The following MDGA2 variants were observed in gnomAD, a reference collection of about 807,000 sequenced individuals.
MDGA2 encodes the protein MAM domain containing glycosylphosphatidylinositol anchor 2, also known as MAM domain-containing glycosylphosphatidylinositol anchor protein 2.
Under a neutral mutation model 117.8 loss-of-function variants are expected in MDGA2, and 40 were observed. The ratio of observed to expected loss-of-function variants is 0.34; its 90% CI spans 0.26 to 0.44. MDGA2 has a LOEUF of 0.44. Among genes scored for constraint, MDGA2 ranks in the 20% least tolerant of loss-of-function variants. The pLI is 1.00. For synonymous variants in MDGA2, 452 were observed against 439.0 expected (o/e 1.03, Z -0.37); for missense variants, 1,123 against 1,250.6 (o/e 0.90, Z 1.54).
chr14:47,261,938 G>C (rs1399045803), intron 2 of MDGA2, among the ~76,000 whole-genome samples: 2 of 152,092 alleles, frequency 1.3e-5, no homozygotes, highest in African/African-American at 2.4e-5. Context: ...TAGTTATAAA[G>C]AAAGCAACAC....
rs116971209 is a variant in MDGA2, at chr14:47,531,659, A to G, written c.280+142858T>C. 2.6e-4 allele frequency among the ~76,000 whole-genome samples: 40 copies of G among 152,358 alleles called. No individual in the cohort carries two copies. In the East Asian group the frequency reaches 5.8e-3, roughly 22 times the overall value. ...GTCATTCTATAGCACTAAACTAAGC[A>G]GTATTCTTTCATCTTAGTCGGGGAG... On this transcript the variant is annotated intron_variant, in intron 1 of 16. Transcript: ENST00000399232.
chr14:47,377,428 G>C (rs1163965673), intron 1 of MDGA2, among the ~76,000 whole-genome samples: 1 of 152,150 alleles, frequency 6.6e-6, no homozygotes, highest in Non-Finnish European at 1.5e-5. Context: ...CCTCATCCGG[G>C]AAGTGTAAGG....
intron 1 of MDGA2, among the ~76,000 whole-genome samples, chr14:47,371,437 A>G (rs1040157070): frequency 6.6e-6 from 1 of 151,820 alleles, no homozygotes; most frequent in Non-Finnish European, 1.5e-5. Context: ...TATTCAAGAC[A>G]TGATTTAATA....
At chr14:47,079,018 A>T (rs1197863733) in intron 6 of MDGA2, among the ~76,000 whole-genome samples, 2 of 151,596 alleles carry the variant, frequency 1.3e-5, no homozygotes, top group African/African-American at 4.8e-5. Flanking sequence ...TTTAGATTCC[A>T]CATGTAAGTG....
rs34123225 is a variant in MDGA2 at position 46,841,964 on chromosome 14, G to A, written c.3045C>T (p.Ile1015=). 426 of 1,612,210 alleles carry A rather than the reference G, an allele frequency of 2.6e-4. 2 individuals carry two copies. Among genetic ancestry groups the A allele is most frequent in the Middle Eastern group, 6.6e-4 (4 of 6,074 alleles). The change falls in exon 17 of 17, where the codon ATC becomes ATT. Residue 1015 remains isoleucine (I), a synonymous_variant. Coordinates refer to ENST00000399232, the MANE Select transcript of MDGA2 (RefSeq NM_001113498.3). ...GAGGACTTAAGATAGAGATGAGGAC[G>A]ATAATGGGAAAAAGCCATATATGAA... ...ILVHIWLFPI[I]VLISILSPRR
intron 1 of MDGA2, among the ~76,000 whole-genome samples, chr14:47,631,250 G>T (rs1001247143): frequency 6.6e-6 from 1 of 152,076 alleles, no homozygotes; most frequent in Non-Finnish European, 1.5e-5. Context: ...ACCAGATGAT[G>T]ACCTCATTTC....
chr14:47,661,906 T>C (rs1897856878), intron 1 of MDGA2, among the ~76,000 whole-genome samples: 1 of 152,056 alleles, frequency 6.6e-6, no homozygotes. Context: ...CGGCTAATTT[T>C]TTGTATTTTT....
chr14:47,204,801 G>A (rs1379887634), intron 3 of MDGA2, among the ~76,000 whole-genome samples: 5 of 151,888 alleles, frequency 3.3e-5, no homozygotes, highest in Non-Finnish European at 7.4e-5. Flanking sequence ...CTAATGTTGA[G>A]TTCTTCTACT....
chr14:47,142,459 A>ACAAACAAACAAACAAACAAACAAG (rs1462629517), intron 4 of MDGA2, among the ~76,000 whole-genome samples: 4 of 152,018 alleles, frequency 2.6e-5, no homozygotes, highest in Non-Finnish European at 5.9e-5. Flanking sequence ...AAACAAACAA[A>ACAAACAAACAAACAAACAAACAAG]CAAACAAACA....
At chr14:47,354,510 C>T (rs541791929) in intron 1 of MDGA2, among the ~76,000 whole-genome samples, 88 of 152,262 alleles carry the variant, frequency 5.8e-4, no homozygotes, top group African/African-American at 2.1e-3. Context: ...CATTTTTATA[C>T]ATGTGACATA....
intron 2 of MDGA2, among the ~76,000 whole-genome samples, chr14:47,228,640 T>A (rs72680244): frequency 0.091 from 13,779 of 152,126 alleles, 674 homozygotes; most frequent in African/African-American, 0.12. Flanking sequence ...ACAATGGGTT[T>A]ATTGGAATGT....
intron 1 of MDGA2, among the ~76,000 whole-genome samples, chr14:47,618,386 T>A (rs1374020090): frequency 6.6e-6 from 1 of 152,210 alleles, no homozygotes; most frequent in Non-Finnish European, 1.5e-5. Flanking sequence ...AGTGTCCATC[T>A]GCATGCTCCT....
rs926551395 is a variant in MDGA2 at position 47,534,564 on chromosome 14, C to T, written c.280+139953G>A. ...CGCCACTTACAAAACCATCAGATCT[C>T]GTGAGAACTCGCTCATTATCACAAG... On this transcript the variant is annotated intron_variant, in intron 1 of 16. Transcript: ENST00000399232. 5.9e-5 allele frequency among the ~76,000 whole-genome samples: 9 copies of T among 152,172 alleles called. No individual in the cohort carries two copies. In the East Asian group the frequency reaches 1.6e-3, roughly 26 times the overall value.
intron 8 of MDGA2, among the ~76,000 whole-genome samples, chr14:47,018,205 G>C (rs990759164): frequency 2.0e-5 from 3 of 151,228 alleles, no homozygotes; most frequent in Non-Finnish European, 4.4e-5. Context: ...ATTAGATTGT[G>C]ACAGGAGTCT....
intron 1 of MDGA2, among the ~76,000 whole-genome samples, chr14:47,353,499 A>G (rs66881974): frequency 0.097 from 14,799 of 152,200 alleles, 789 homozygotes; most frequent in Middle Eastern, 0.12. Context: ...TCCTAATCCT[A>G]GTTCCTCAAA....
intron 9 of MDGA2, among the ~76,000 whole-genome samples, chr14:46,930,290 C>T (rs1246687127): frequency 6.6e-6 from 1 of 152,036 alleles, no homozygotes; most frequent in Non-Finnish European, 1.5e-5. Flanking sequence ...ACAAGCAATC[C>T]TTTTTAAATT....
intron 3 of MDGA2, among the ~76,000 whole-genome samples, chr14:47,207,563 T>C (rs971533509): frequency 1.3e-5 from 2 of 151,990 alleles, no homozygotes; most frequent in African/African-American, 4.8e-5. Context: ...TTCTCTATTT[T>C]AGCTCATTCT....
At chr14:47,038,343 G>C (rs978834183) in intron 7 of MDGA2, among the ~76,000 whole-genome samples, 8 of 152,142 alleles carry the variant, frequency 5.3e-5, no homozygotes, top group African/African-American at 1.4e-4. Context: ...TCAAAAGATA[G>C]TATTTATTTC....
intron 6 of MDGA2, among the ~76,000 whole-genome samples, chr14:47,079,745 T>TTTTTTTTTTG (rs1566611970): frequency 1.4e-5 from 2 of 140,258 alleles, no homozygotes; most frequent in African/African-American, 5.4e-5. Context: ...TTTTTTTTTT[T>TTTTTTTTTTG]TTTTGAGACA....
Sources: gnomAD v4.1 joint callset for allele counts (sites outside exome capture counted in the v4.1 genomes callset) on GRCh38, gnomAD v4.1.1 for gene constraint, MANE v1.5 for transcripts, NCBI Gene and HGNC (gene_info 2026-07-23, HGNC 2026-07-21) for gene names.